Variants in MEF2A observed in about 807,000 individuals in gnomAD.
The protein encoded by MEF2A is myocyte-specific enhancer factor 2A.
A neutral mutation model predicts 55.8 loss-of-function variants in MEF2A; 28 were observed. The ratio of observed to expected loss-of-function variants is 0.50; its 90% CI spans 0.37 to 0.69. The LOEUF is 0.69. Ranked by LOEUF, MEF2A falls within the 30% of genes least tolerant of loss-of-function variation. The pLI, the probability that MEF2A is intolerant of heterozygous loss-of-function variation, is 0.00. For missense variants in MEF2A, 528 were observed against 626.2 expected (o/e 0.84, Z 1.67); for synonymous variants, 239 against 227.1 (o/e 1.05, Z -0.47).
rs1437664657 is a variant in MEF2A, at chr15:99,712,342, G to A, written c.1137-48G>A. 15 of 1,482,318 alleles carry A rather than the reference G, an allele frequency of 1.0e-5. No individual in the cohort carries two copies. The highest frequency in any genetic ancestry group is 1.3e-5 in the Non-Finnish European group (15 of 1,112,118). The allele number at this position is 1,482,318 out of a possible 1,614,324, so 91.8% of individuals were successfully genotyped here. A position where few individuals can be genotyped will look rare whatever the true frequency, so the allele number is the denominator to read the frequency against. On this transcript the variant is annotated intron_variant, in intron 11 of 11. Coordinates refer to ENST00000557942, the MANE Select transcript of MEF2A (RefSeq NM_001319206.4). The surrounding 1 kb of genome is among the most constrained non-coding windows in gnomAD (Gnocchi z 4.1). ...GTCTCTACTGTATCATCCCAGTTTTGCAGAGGTACTTGCAAGCCATCTGAC... is the reference window on the plus strand; with the variant it reads ...GTCTCTACTGTATCATCCCAGTTTTACAGAGGTACTTGCAAGCCATCTGAC...
Position 99,653,305 on chromosome 15 carries a change from A to G in MEF2A, c.258+7541A>G, listed in dbSNP as rs149183578. Among the ~76,000 whole-genome samples, 319 of 152,322 alleles carry G rather than the reference A, an allele frequency of 2.1e-3. 1 individual carries two copies. The highest frequency in any genetic ancestry group is 7.4e-3 in the African/African-American group (306 of 41,578). On this transcript the variant is annotated intron_variant, in intron 4 of 11. Transcript: ENST00000557942. The stretch of plus-strand genomic sequence containing the variant: ...TTTAAAATTAAAGAGACAGCTGTAT[A>G]GTTTTCATATTTATTTTGAAGTTAT...
intron 3 of MEF2A, among the ~76,000 whole-genome samples, chr15:99,643,739 C>G (rs2045452826): frequency 6.6e-6 from 1 of 151,816 alleles, no homozygotes; most frequent in African/African-American, 2.4e-5. Flanking sequence ...CTACAGGCGC[C>G]CACCACCACG....
At chr15:99,703,241 C>T (rs1567493106) in intron 8 of MEF2A, 121 bp from the exon 9 acceptor site, 15 of 834,064 alleles carry the variant, frequency 1.8e-5, no homozygotes, top group South Asian at 7.4e-5. Context: ...TGTATATAAT[C>T]GTCTCTTTAG....
chr15:99,700,427 G>A (rs926003414), intron 8 of MEF2A, among the ~76,000 whole-genome samples: 3 of 151,696 alleles, frequency 2.0e-5, no homozygotes, highest in South Asian at 2.1e-4. Context: ...TGAGAGGATC[G>A]CTTGAGCCCA....
At chr15:99,643,622 C>T (rs780456230) in intron 3 of MEF2A, among the ~76,000 whole-genome samples, 2 of 145,650 alleles carry the variant, frequency 1.4e-5, no homozygotes, top group African/African-American at 2.6e-5. Context: ...GATGGAGTCT[C>T]GCTCTGTCGC....
At chr15:99,647,627 C>A (rs2046181260) in intron 4 of MEF2A, among the ~76,000 whole-genome samples, 2 of 152,088 alleles carry the variant, frequency 1.3e-5, no homozygotes, top group Admixed American at 1.3e-4. Flanking sequence ...GAGCAGATCC[C>A]AAACATTTTT....
chr15:99,666,704 CCTT>C (rs1364014944), intron 4 of MEF2A, among the ~76,000 whole-genome samples: 1 of 151,926 alleles, frequency 6.6e-6, no homozygotes, highest in Admixed American at 6.6e-5. Context: ...CAAAGCAAAA[CCTT>C]CTAAGTTTGA....
intron 2 of MEF2A, among the ~76,000 whole-genome samples, chr15:99,613,454 C>T (rs1210946569): frequency 6.6e-6 from 1 of 152,198 alleles, no homozygotes; most frequent in African/African-American, 2.4e-5. Context: ...ACAGTCCCCG[C>T]ACCCACCCCT....
chr15:99,599,898 A>T (rs1972418353), intron 2 of MEF2A, among the ~76,000 whole-genome samples: 1 of 152,150 alleles, frequency 6.6e-6, no homozygotes, highest in African/African-American at 2.4e-5. Flanking sequence ...TTTACATTGC[A>T]TTAGATATTA....
At chr15:99,642,166 G>A (rs1319085258) in intron 3 of MEF2A, among the ~76,000 whole-genome samples, 1 of 152,068 alleles carries the variant, frequency 6.6e-6, no homozygotes, top group Non-Finnish European at 1.5e-5. Context: ...CCAGAACATC[G>A]TAGAGATTTG....
In MEF2A at chr15:99,674,451, A is replaced by G; in HGVS notation, c.449A>G (p.Asn150Ser). 4.3e-6 allele frequency: 7 copies of G among 1,613,962 alleles called. No individual in the cohort carries two copies. The highest frequency in any genetic ancestry group is 5.1e-6 in the Non-Finnish European group (6 of 1,179,862). ...GTCACAGTTCCAGTGACCAGCCCCA[A>G]TGCTTTGTCCTACACTAACCCAGGG... ...MSVTVPVTSPNALSYTNPGSS... is the reference protein window; with the variant it reads ...MSVTVPVTSPSALSYTNPGSS... Residue 150 changes from asparagine (N) to serine (S), a missense_variant, in exon 6 of 12, where the codon AAT becomes AGT. This residue lies in a region of MEF2A where 450 missense variants were observed against 475.3 expected (regional missense o/e 0.95). Coordinates refer to ENST00000557942, the MANE Select transcript of MEF2A (RefSeq NM_001319206.4).
In MEF2A at chr15:99,629,074, G is replaced by C. The variant is rs2042502297; in HGVS notation, c.-142-3904G>C. Among the ~76,000 whole-genome samples, 5 of 151,412 alleles carry C rather than the reference G, an allele frequency of 3.3e-5. No individual in the cohort carries two copies. In the South Asian group the frequency reaches 1.0e-3, roughly 31 times the overall value. On this transcript the variant is annotated intron_variant, in intron 2 of 11. Transcript: ENST00000557942. ...GGCTTTTATTATTTGGGAAAAGTCA[G>C]CTAGCTATAACTCTTATTGTTGCTT... is the stretch of plus-strand genomic sequence containing the variant.
intron 7 of MEF2A, chr15:99,682,013 G>A (rs191880381): frequency 1.1e-4 from 17 of 152,294 alleles, no homozygotes; most frequent in South Asian, 4.1e-4. Flanking sequence ...TGCCAAATAT[G>A]ATTGAACTTT....
At chr15:99,700,508 TCACA>T in intron 8 of MEF2A, among the ~76,000 whole-genome samples, 1 of 151,630 alleles carries the variant, frequency 6.6e-6, no homozygotes, top group Middle Eastern at 3.4e-3. Context: ...CGAGACCCTG[TCACA>T]CACACACAAA....
At chr15:99,697,623 T>G (rs2056695473) in intron 8 of MEF2A, among the ~76,000 whole-genome samples, 1 of 152,194 alleles carries the variant, frequency 6.6e-6, no homozygotes, top group Admixed American at 6.5e-5. Context: ...TTAATGGATT[T>G]CAAGACTCAG....
rs183108732 is a variant in MEF2A at position 99,706,498 on chromosome 15, G to A, written c.883-231G>A. 1.4e-4 allele frequency: 65 copies of A among 470,036 alleles called. No individual in the cohort carries two copies. The East Asian group carries it at 2.5e-3, about 18-fold the overall frequency. The allele number at this position is 470,036 out of a possible 1,614,324, so 29.1% of individuals were successfully genotyped here. A position where few individuals can be genotyped will look rare whatever the true frequency, so the allele number is the denominator to read the frequency against. ...CTGTAACAGAAGTTCCTATTTTAAC[G>A]TGGGGTGTCTGACACTAATCAACTA... On this transcript the variant is annotated intron_variant, in intron 9 of 11. Transcript: ENST00000557942.
rs944533559 is a variant in MEF2A at position 99,621,189 on chromosome 15, G to A, written c.-142-11789G>A. 10 of 152,182 alleles carry A rather than the reference G, an allele frequency of 6.6e-5. No homozygotes were observed. In the East Asian group the frequency reaches 1.9e-3, roughly 29 times the overall value. 9.4% of individuals were successfully genotyped at this position (152,182 alleles called of 1,614,324 possible). On this transcript the variant is annotated intron_variant, in intron 2 of 11. Transcript: ENST00000557942. ...TACAGAATATTTAATAACAAAACTA[G>A]AACTACATTTTTCCTACCCACAACA...
chr15:99,672,937 T>A (rs992667311), intron 5 of MEF2A, among the ~76,000 whole-genome samples: 1 of 152,208 alleles, frequency 6.6e-6, no homozygotes, highest in Non-Finnish European at 1.5e-5. Context: ...TGGAGCATCA[T>A]TGGGAACCTG....
chr15:99,660,809 C>T (rs1377582489), intron 4 of MEF2A, among the ~76,000 whole-genome samples: 2 of 152,114 alleles, frequency 1.3e-5, no homozygotes, highest in African/African-American at 4.8e-5. Context: ...TCAGAAGTCT[C>T]AAATTATATA....
Sources: gnomAD v4.1 joint callset for allele counts (sites outside exome capture counted in the v4.1 genomes callset) on GRCh38, gnomAD v4.1.1 for gene constraint, gnomAD v4.1.1 regional missense constraint, Gnocchi (gnomAD v3.1) non-coding constraint, MANE v1.5 for transcripts, NCBI Gene and HGNC (gene_info 2026-07-23, HGNC 2026-07-21) for gene names.